CARM1: variants seen among roughly 807,000 people sequenced by gnomAD.
The protein encoded by CARM1 is coactivator associated arginine methyltransferase 1.
CARM1 carries 14 observed loss-of-function variants against 72.7 expected under a neutral mutation model. The observed-to-expected ratio is 0.19, with a 90% CI of 0.13 to 0.30. CARM1 has a LOEUF of 0.30. Ranked by LOEUF, CARM1 falls within the 10% of genes least tolerant of loss-of-function variation. The pLI is 1.00. For synonymous variants in CARM1, 333 were observed against 345.5 expected, an observed-to-expected ratio of 0.96 and a Z score of 0.40; for missense variants, 432 against 833.7, an observed-to-expected ratio of 0.52 and a Z score of 5.93.
At chr19:10,899,748 T>A (rs984100072) in intron 1 of CARM1, among the ~76,000 whole-genome samples, 5 of 147,828 alleles carry the variant, frequency 3.4e-5, no homozygotes, top group African/African-American at 1.3e-4. Flanking sequence ...TGAGACGGAG[T>A]CTCACTCTGT....
At chr19:10,894,862 T>G (rs1416287867) in intron 1 of CARM1, among the ~76,000 whole-genome samples, 1 of 151,794 alleles carries the variant, frequency 6.6e-6, no homozygotes, top group Non-Finnish European at 1.5e-5. Flanking sequence ...TGCCACAACT[T>G]CCCACATGGT....
At chr19:10,904,352 A>T (rs1432915359) in intron 1 of CARM1, among the ~76,000 whole-genome samples, 1 of 152,160 alleles carries the variant, frequency 6.6e-6, no homozygotes, top group African/African-American at 2.4e-5. Context: ...ATTTGGCTGG[A>T]GTGGAGTGGC....
In CARM1 at chr19:10,916,434, T is replaced by C; in HGVS notation, c.875T>C (p.Val292Ala). The C allele has an allele frequency of 6.2e-7, 1 of 1,613,804 alleles. No homozygotes were observed. The highest frequency in any genetic ancestry group is 1.1e-5 in the South Asian group (1 of 91,082). Residue 292 changes from valine to alanine, a missense_variant, in exon 7 of 16, where the codon GTC (valine) becomes GCC (alanine). Val to Ala is a moderately conservative substitution (Grantham distance 64). Around this residue, in one of 3 missense-constraint regions of CARM1, gnomAD observed 152 missense variants for 452.8 expected, o/e 0.34. Transcript: ENST00000327064. The surrounding 1 kb of genome is among the most constrained non-coding windows in gnomAD (Gnocchi z 4.4). ...SGNMFPTIGD[V>A]HLAPFTDEQL... ...AACATGTTTCCTACCATTGGTGACG[T>C]CCACCTTGCACCCTTCACGGATGAA...
At chr19:10,882,180 A>C (rs1021853954) in intron 1 of CARM1, among the ~76,000 whole-genome samples, 1 of 152,098 alleles carries the variant, frequency 6.6e-6, no homozygotes, top group African/African-American at 2.4e-5. Flanking sequence ...GAGCTGATAG[A>C]AGTAAAGTGC....
chr19:10,907,634 T>A (rs900734474), intron 2 of CARM1, among the ~76,000 whole-genome samples: 4 of 152,202 alleles, frequency 2.6e-5, no homozygotes, highest in Non-Finnish European at 5.9e-5. Flanking sequence ...CCCCTCTTAC[T>A]GGACATTGCA....
Position 10,922,278 on chromosome 19 carries a change from A to T in CARM1, c.*521A>T, listed in dbSNP as rs903534469. ...GAAGCCAGGCCGGCCGGGCCGAGCC[A>T]GCAGCCCCTCTCCCTAGACTCAGAG... On this transcript the variant is annotated 3_prime_UTR_variant, in exon 16 of 16. Coordinates refer to ENST00000327064, the MANE Select transcript of CARM1 (RefSeq NM_199141.2). The T allele has an allele frequency of 6.5e-6, 1 of 152,686 alleles. No homozygotes were observed. The highest frequency in any genetic ancestry group is 2.4e-5 in the African/African-American group (1 of 41,450). 9.5% of individuals were successfully genotyped at this position (152,686 alleles called of 1,614,324 possible).
At chr19:10,913,311 C>T (rs1014029424) in intron 5 of CARM1, among the ~76,000 whole-genome samples, 4 of 152,018 alleles carry the variant, frequency 2.6e-5, no homozygotes, top group Admixed American at 1.3e-4. Context: ...GTAATCCCAG[C>T]ACTTTGGGAG....
intron 6 of CARM1, 145 bp downstream of exon 6, chr19:10,914,199 A>T (rs1434191096): frequency 2.5e-6 from 2 of 816,092 alleles, no homozygotes; most frequent in Non-Finnish European, 1.9e-6. Context: ...CTCCCACCCC[A>T]ACCCCACTCC....
chr19:10,889,105 G>T (rs554379617), intron 1 of CARM1, among the ~76,000 whole-genome samples: 1 of 152,172 alleles, frequency 6.6e-6, no homozygotes, highest in East Asian at 1.9e-4. Context: ...GATGGGGCAC[G>T]CATTGAGTGC....
intron 1 of CARM1, among the ~76,000 whole-genome samples, chr19:10,897,139 G>A (rs913972638): frequency 6.6e-6 from 1 of 152,220 alleles, no homozygotes; most frequent in Non-Finnish European, 1.5e-5. Flanking sequence ...GAGACATTGG[G>A]TGGTGCATTG....
At chr19:10,872,543 C>G (rs533358516) in intron 1 of CARM1, among the ~76,000 whole-genome samples, 1 of 152,152 alleles carries the variant, frequency 6.6e-6, no homozygotes, top group East Asian at 1.9e-4. Flanking sequence ...GGGTGAGCTC[C>G]TCGTGGAAAC....
In CARM1 at chr19:10,905,146, A is replaced by G. The variant is rs1049111158; in HGVS notation, c.346+70A>G. 12 of 1,571,690 alleles carry G rather than the reference A, an allele frequency of 7.6e-6. No individual in the cohort carries two copies. In the African/African-American group the frequency reaches 1.5e-4, roughly 19 times the overall value. ...CCAGAGCCCTGGTGGGCAGGGGCGTAGAGCCTGGCTGAGGGGTGGCCCGTG... is the reference window on the plus strand; with the variant it reads ...CCAGAGCCCTGGTGGGCAGGGGCGTGGAGCCTGGCTGAGGGGTGGCCCGTG... On this transcript the variant is annotated intron_variant, in intron 2 of 15. Transcript: ENST00000327064.
chr19:10,890,795 ATTTTTTTTTT>A (rs67421012), intron 1 of CARM1, among the ~76,000 whole-genome samples: 14 of 47,468 alleles, frequency 2.9e-4, no homozygotes, highest in Admixed American at 7.0e-4. Context: ...ATATATATAT[ATTTTTTTTTT>A]TTTTTTTTTT....
At chr19:10,902,108 G>A (rs2145217410) in intron 1 of CARM1, among the ~76,000 whole-genome samples, 1 of 151,718 alleles carries the variant, frequency 6.6e-6, no homozygotes, top group South Asian at 2.1e-4. Context: ...GCTGGACGTG[G>A]TGGTGCACAC....
chr19:10,874,671 C>T (rs2073849493), intron 1 of CARM1, among the ~76,000 whole-genome samples: 1 of 152,168 alleles, frequency 6.6e-6, no homozygotes, highest in Non-Finnish European at 1.5e-5. Flanking sequence ...GAATTACAGG[C>T]ATGAGCCACC....
intron 1 of CARM1, among the ~76,000 whole-genome samples, chr19:10,883,575 CAG>C: frequency 6.6e-6 from 1 of 152,214 alleles, no homozygotes; most frequent in African/African-American, 2.4e-5. Flanking sequence ...GCTTAAGAGA[CAG>C]GGTCTTGCTG....
intron 1 of CARM1, among the ~76,000 whole-genome samples, chr19:10,887,321 C>G (rs2073949183): frequency 6.6e-6 from 1 of 152,262 alleles, no homozygotes; most frequent in Non-Finnish European, 1.5e-5. Context: ...AGGGTCCCGT[C>G]TCCCCTGGTT....
rs371644980 is a variant in CARM1, at chr19:10,878,921, C to T, written c.220+6999C>T. On this transcript the variant is annotated intron_variant, in intron 1 of 15. Coordinates refer to ENST00000327064, the MANE Select transcript of CARM1 (RefSeq NM_199141.2). ...TCCCGGGTTCAAGCGATTCTCCTGCCTCAGCCTCCCAAGTATCTGGGACTA... is the reference window on the plus strand; with the variant it reads ...TCCCGGGTTCAAGCGATTCTCCTGCTTCAGCCTCCCAAGTATCTGGGACTA... Among the ~76,000 whole-genome samples the T allele has an allele frequency of 8.5e-5, 13 of 152,174 alleles. No individual in the cohort carries two copies. In the East Asian group the frequency reaches 2.1e-3, roughly 25 times the overall value.
At chr19:10,906,239 C>T (rs1257413476) in intron 2 of CARM1, among the ~76,000 whole-genome samples, 2 of 152,156 alleles carry the variant, frequency 1.3e-5, no homozygotes, top group South Asian at 4.1e-4. Flanking sequence ...CAGGCATGAG[C>T]CACTGCACCC....
Sources: gnomAD v4.1 joint callset for allele counts (sites outside exome capture counted in the v4.1 genomes callset) on GRCh38, gnomAD v4.1.1 for gene constraint, gnomAD v4.1.1 regional missense constraint, Gnocchi (gnomAD v3.1) non-coding constraint, MANE v1.5 for transcripts, NCBI Gene and HGNC (gene_info 2026-07-23, HGNC 2026-07-21) for gene names.